The following ADAMTS20 variants were observed in gnomAD, a reference collection of about 807,000 sequenced individuals.
ADAMTS20 encodes ADAM metallopeptidase with thrombospondin type 1 motif 20.
In ADAMTS20, 225 loss-of-function variants were observed where a neutral mutation model predicts 260.1. The ratio of observed to expected loss-of-function variants is 0.87; its 90% CI spans 0.78 to 0.97. ADAMTS20 has a LOEUF of 0.97. Among genes scored for constraint, ADAMTS20 ranks in the 50% least tolerant of loss-of-function variants. The pLI is 0.00. For missense variants in ADAMTS20, 2,400 were observed against 2,337.7 expected (o/e 1.03, Z -0.55); for synonymous variants, 802 against 769.5 (o/e 1.04, Z -0.70).
chr12:43,388,276 G>A (rs1451919828), intron 29 of ADAMTS20, among the ~76,000 whole-genome samples: 2 of 152,124 alleles, frequency 1.3e-5, no homozygotes, highest in Non-Finnish European at 2.9e-5. Flanking sequence ...CTTGGCCAGT[G>A]GAAGGAGTTT....
chr12:43,401,529 G>A (rs1237020400), intron 28 of ADAMTS20, among the ~76,000 whole-genome samples: 1 of 151,786 alleles, frequency 6.6e-6, no homozygotes, highest in Non-Finnish European at 1.5e-5. Flanking sequence ...CACTGCCAAA[G>A]TTAATAATTA....
intron 37 of ADAMTS20, among the ~76,000 whole-genome samples, chr12:43,366,733 T>C (rs944549977): frequency 1.3e-5 from 2 of 151,284 alleles, no homozygotes; most frequent in Non-Finnish European, 3.0e-5. Context: ...CTATAGATAA[T>C]AGAAAATAAA....
chr12:43,395,388 A>G (rs888428443), intron 29 of ADAMTS20, among the ~76,000 whole-genome samples: 1 of 152,200 alleles, frequency 6.6e-6, no homozygotes, highest in Non-Finnish European at 1.5e-5. Context: ...ATAAAGATTT[A>G]TACTTATGTA....
intron 28 of ADAMTS20, among the ~76,000 whole-genome samples, chr12:43,420,882 A>G (rs1002251876): frequency 1.5e-5 from 2 of 134,474 alleles, no homozygotes; most frequent in African/African-American, 5.6e-5. Context: ...ATCTCGGCTC[A>G]TTGCAACTTC....
chr12:43,361,895 G>A (rs1230558930), intron 37 of ADAMTS20, among the ~76,000 whole-genome samples: 16 of 151,990 alleles, frequency 1.1e-4, no homozygotes, highest in Admixed American at 3.3e-4. Flanking sequence ...TTGTATATGC[G>A]TCTCCTGTGA....
At chr12:43,352,889 A>C (rs1163470136), downstream of ADAMTS20, among the ~76,000 whole-genome samples, 7 of 152,210 alleles carry the variant, frequency 4.6e-5, no homozygotes. Flanking sequence ...AAGGCACATA[A>C]TACAAAATAT....
intron 3 of ADAMTS20, among the ~76,000 whole-genome samples, chr12:43,513,270 T>C (rs1337738375): frequency 2.0e-5 from 3 of 152,180 alleles, no homozygotes; most frequent in African/African-American, 7.2e-5. Flanking sequence ...GAGTAAATAT[T>C]TTTTATTCTT....
intron 3 of ADAMTS20, among the ~76,000 whole-genome samples, chr12:43,505,938 A>T (rs1942834442): frequency 6.6e-6 from 1 of 152,238 alleles, no homozygotes; most frequent in Non-Finnish European, 1.5e-5. Flanking sequence ...TGTAGTATAC[A>T]CATACAATGA....
intron 37 of ADAMTS20, among the ~76,000 whole-genome samples, chr12:43,367,948 C>G (rs1336731813): frequency 1.3e-5 from 2 of 152,046 alleles, no homozygotes; most frequent in Non-Finnish European, 2.9e-5. Context: ...TAATGTTGAG[C>G]TGGAACCTAC....
chr12:43,549,595 G>A lies in ADAMTS20; in HGVS notation c.453+1314C>T, dbSNP rs538124302. Among the ~76,000 whole-genome samples, 5 of 152,210 alleles carry A rather than the reference G, an allele frequency of 3.3e-5. No homozygotes were observed. The South Asian group carries it at 8.3e-4, about 25-fold the overall frequency. ...AACATAATGACCATGACAAATTTGTGGTAGCAAGTCTAGGATTTTCCAGAC... is the reference window on the plus strand; with the variant it reads ...AACATAATGACCATGACAAATTTGTAGTAGCAAGTCTAGGATTTTCCAGAC... On this transcript the variant is annotated intron_variant, in intron 2 of 38. Transcript: ENST00000389420.
chr12:43,423,893 C>T (rs779870005), intron 28 of ADAMTS20: 5 of 727,092 alleles, frequency 6.9e-6, no homozygotes, highest in South Asian at 5.8e-5. Context: ...GATGATGGTC[C>T]TTTGAGGCAG....
intron 3 of ADAMTS20, among the ~76,000 whole-genome samples, chr12:43,523,871 C>T (rs1170394262): frequency 6.6e-6 from 1 of 151,698 alleles, no homozygotes; most frequent in African/African-American, 2.4e-5. Flanking sequence ...CACCCCCCTC[C>T]CCCAACCACC....
At position 43,356,601 on chromosome 12, in the gene ADAMTS20, TAAAAC is replaced by T; in HGVS notation, c.5539-18_5539-14del. On this transcript the variant is annotated splice_polypyrimidine_tract_variant and intron_variant, in intron 37 of 38. Transcript: ENST00000389420. ...TGCTAAACTGTCCCTGGATTGTAAA[TAAAAC>T]AAAGAAAAATAGATGGAATTTACAA... The T allele has an allele frequency of 1.3e-6, 2 of 1,573,582 alleles. No individual in the cohort carries two copies. The highest frequency in any genetic ancestry group is 1.7e-6 in the Non-Finnish European group (2 of 1,151,464).
intron 3 of ADAMTS20, among the ~76,000 whole-genome samples, chr12:43,504,384 C>A (rs551286248): frequency 6.6e-6 from 1 of 152,218 alleles, no homozygotes; most frequent in African/African-American, 2.4e-5. Context: ...CTATGAACTT[C>A]TTTTTCTAAT....
chr12:43,502,843 A>T (rs145859571), intron 3 of ADAMTS20, among the ~76,000 whole-genome samples: 2 of 152,306 alleles, frequency 1.3e-5, no homozygotes, highest in Non-Finnish European at 2.9e-5. Flanking sequence ...AAATATAGAA[A>T]AAAACAAACT....
intron 7 of ADAMTS20, among the ~76,000 whole-genome samples, chr12:43,476,770 T>C: frequency 7.0e-6 from 1 of 142,310 alleles, no homozygotes; most frequent in South Asian, 2.4e-4. Flanking sequence ...CCGTATATTC[T>C]CACTCATAGG....
intron 4 of ADAMTS20, among the ~76,000 whole-genome samples, chr12:43,500,508 C>G (rs1407251623): frequency 6.6e-6 from 1 of 151,990 alleles, no homozygotes; most frequent in Non-Finnish European, 1.5e-5. Context: ...AATTATTCAT[C>G]TAGGTAATAT....
chr12:43,423,092 A>G (rs1373713660), intron 28 of ADAMTS20: 1 of 152,072 alleles, frequency 6.6e-6, no homozygotes, highest in Non-Finnish European at 1.5e-5. Flanking sequence ...GTACCTTTTT[A>G]TGTTAAACTT....
intron 3 of ADAMTS20, among the ~76,000 whole-genome samples, chr12:43,504,538 T>C (rs1942814926): frequency 6.6e-6 from 1 of 152,192 alleles, no homozygotes; most frequent in Non-Finnish European, 1.5e-5. Context: ...GTCACTAAAA[T>C]ATCCATGACC....
Sources: gnomAD v4.1 joint callset for allele counts (sites outside exome capture counted in the v4.1 genomes callset) on GRCh38, gnomAD v4.1.1 for gene constraint, MANE v1.5 for transcripts, NCBI Gene and HGNC (gene_info 2026-07-23, HGNC 2026-07-21) for gene names.